ALDH8A1: variants seen among roughly 807,000 people sequenced by gnomAD.
The protein encoded by ALDH8A1 is 2-aminomuconic semialdehyde dehydrogenase.
A neutral mutation model predicts 43.3 loss-of-function variants in ALDH8A1; 39 were observed. The ratio of observed to expected loss-of-function variants is 0.90; its 90% confidence interval spans 0.70 to 1.18. The LOEUF is 1.18. ALDH8A1 is among the 50% of genes most tolerant of loss of function. ALDH8A1 has a pLI of 0.00. For synonymous variants in ALDH8A1, 233 were observed against 243.5 expected (o/e 0.96, Z 0.40); for missense variants, 605 against 622.6 (o/e 0.97, Z 0.30).
At chr6:134,931,334 G>A (rs888086709) in intron 5 of ALDH8A1, among the ~76,000 whole-genome samples, 1 of 152,046 alleles carries the variant, frequency 6.6e-6, no homozygotes, top group Non-Finnish European at 1.5e-5. Context: ...TGCTAACTCG[G>A]CACACTGCAA....
intron 6 of ALDH8A1, among the ~76,000 whole-genome samples, chr6:134,925,360 T>G (rs573389352): frequency 2.0e-5 from 3 of 152,216 alleles, no homozygotes; most frequent in Admixed American, 6.5e-5. Flanking sequence ...CAGGCTCGGA[T>G]GGTTTCAAGC....
intron 6 of ALDH8A1, among the ~76,000 whole-genome samples, chr6:134,926,488 A>C (rs975756212): frequency 1.6e-4 from 24 of 151,764 alleles, no homozygotes; most frequent in African/African-American, 5.8e-4. Context: ...GGCATAAGCC[A>C]CCGCACCTGG....
chr6:134,927,534 G>C (rs11963371), intron 6 of ALDH8A1, among the ~76,000 whole-genome samples: 7,483 of 152,042 alleles, frequency 0.049, 242 homozygotes, highest in South Asian at 0.07. Flanking sequence ...CACACACACA[G>C]AGAGAGATCA....
intron 5 of ALDH8A1, among the ~76,000 whole-genome samples, chr6:134,931,455 A>C (rs534649749): frequency 6.6e-6 from 1 of 151,018 alleles, no homozygotes; most frequent in Admixed American, 6.6e-5. Context: ...GTAGAGATGG[A>C]GTTTTGCCAT....
rs1583040737 is a variant in ALDH8A1, at chr6:134,949,917, T to A, written c.137A>T (p.Glu46Val). 1.9e-6 allele frequency: 3 copies of A among 1,592,472 alleles called. No individual in the cohort carries two copies. Among genetic ancestry groups the A allele is most frequent in the Non-Finnish European group, 8.6e-7 (1 of 1,168,844 alleles). Residue 46 changes from glutamate (E) to valine (V), a missense_variant and splice_region_variant, in exon 1 of 7, where the codon GAG becomes GTG. By Grantham distance (121) the Glu-to-Val change is moderately radical. Coordinates refer to ENST00000265605, the MANE Select transcript of ALDH8A1 (RefSeq NM_022568.4). ...TCTTCTTTAAGTGCATATACTCACCTCGTCTTTTCCACTATTTGGCACTCT... is the reference window on the plus strand; with the variant it reads ...TCTTCTTTAAGTGCATATACTCACCACGTCTTTTCCACTATTTGGCACTCT... Reference protein sequence around the residue: ...YCRVPNSGKDEIEAAVKAARE... With the variant: ...YCRVPNSGKDVIEAAVKAARE...
rs1165215569 is a variant in ALDH8A1 at position 134,918,199 on chromosome 6, TC to T, written c.*215del. The T allele has an allele frequency of 8.9e-6, 5 of 559,876 alleles. No homozygotes were observed. In the African/African-American group the frequency reaches 9.3e-5, roughly 10 times the overall value. 34.7% of individuals were successfully genotyped at this position (559,876 alleles called of 1,614,324 possible). ...GACAACTGGCATCATTGTTCTATCT[TC>T]CTACTTATAAGTCTTTTTTTCCGAG... On this transcript the variant is annotated 3_prime_UTR_variant, in exon 7 of 7. Coordinates refer to ENST00000265605, the MANE Select transcript of ALDH8A1 (RefSeq NM_022568.4).
intron 1 of ALDH8A1, among the ~76,000 whole-genome samples, chr6:134,947,859 A>G (rs1464542550): frequency 6.7e-6 from 1 of 148,584 alleles, no homozygotes; most frequent in Non-Finnish European, 1.5e-5. Flanking sequence ...AAAAAAAAAT[A>G]AAAATAGAAC....
At chr6:134,939,139 G>C in intron 4 of ALDH8A1, 127 bp downstream of exon 4, 1 of 1,417,760 alleles carries the variant, frequency 7.1e-7, no homozygotes, top group Non-Finnish European at 9.6e-7. Context: ...GGATTTCCCA[G>C]ACAAGGATCA....
chr6:134,924,527 C>T (rs73547171), intron 6 of ALDH8A1, among the ~76,000 whole-genome samples: 81 of 152,256 alleles, frequency 5.3e-4, no homozygotes, highest in African/African-American at 1.9e-3. Context: ...CTTTAAAAAC[C>T]CTCGTCTTCC....
chr6:134,935,428 G>C (rs1486249658), intron 4 of ALDH8A1, among the ~76,000 whole-genome samples: 1 of 152,206 alleles, frequency 6.6e-6, no homozygotes, highest in African/African-American at 2.4e-5. Context: ...AAATGAATGA[G>C]TGAATGAATG....
At chr6:134,937,564 G>A (rs755387521) in intron 4 of ALDH8A1, among the ~76,000 whole-genome samples, 74 of 152,202 alleles carry the variant, frequency 4.9e-4, no homozygotes, top group Non-Finnish European at 4.3e-4. Flanking sequence ...CCAGGTTCAG[G>A]GCAGACTGGC....
chr6:134,920,202 A>C (rs1056933698), intron 6 of ALDH8A1, among the ~76,000 whole-genome samples: 1 of 152,216 alleles, frequency 6.6e-6, no homozygotes, highest in Non-Finnish European at 1.5e-5. Context: ...ACCCAGCTCA[A>C]GACTTTTTTA....
At chr6:134,930,292 G>A (rs1423028523) in intron 5 of ALDH8A1, among the ~76,000 whole-genome samples, 1 of 152,154 alleles carries the variant, frequency 6.6e-6, no homozygotes, top group African/African-American at 2.4e-5. Flanking sequence ...ATTTGGACAC[G>A]CTGGGTTTCA....
At chr6:134,932,656 C>T (rs963587737) in intron 5 of ALDH8A1, 120 bp downstream of exon 5, 7 of 1,393,480 alleles carry the variant, frequency 5.0e-6, no homozygotes, top group Admixed American at 4.3e-5. Context: ...ATGTACTGAT[C>T]CTGCTTTCTC....
chr6:134,947,829 C>T (rs541942880), intron 1 of ALDH8A1, among the ~76,000 whole-genome samples: 19 of 142,762 alleles, frequency 1.3e-4, no homozygotes, highest in South Asian at 1.1e-3. Flanking sequence ...TTATGGAAAA[C>T]GCATGTAGGT....
At chr6:134,949,738 G>T (rs868418632) in intron 1 of ALDH8A1, among the ~76,000 whole-genome samples, 178 bp downstream of exon 1, 1 of 152,120 alleles carries the variant, frequency 6.6e-6, no homozygotes, top group Non-Finnish European at 1.5e-5. Context: ...GAAGAGATTT[G>T]TTCTAGGTAT....
intron 3 of ALDH8A1, among the ~76,000 whole-genome samples, chr6:134,940,872 TAGG>T (rs1488217741): frequency 6.6e-6 from 1 of 152,202 alleles, no homozygotes; most frequent in Admixed American, 6.5e-5. Flanking sequence ...GCACACTTCC[TAGG>T]AGGAGGTAGA....
chr6:134,925,792 G>T (rs1218329214), intron 6 of ALDH8A1, among the ~76,000 whole-genome samples: 1 of 152,168 alleles, frequency 6.6e-6, no homozygotes, highest in Admixed American at 6.5e-5. Flanking sequence ...GTTTTAAAAG[G>T]TACCACTGTA....
At chr6:134,924,808 C>T (rs1776858523) in intron 6 of ALDH8A1, among the ~76,000 whole-genome samples, 2 of 152,178 alleles carry the variant, frequency 1.3e-5, no homozygotes, top group Non-Finnish European at 2.9e-5. Flanking sequence ...AATATTCTGA[C>T]ACCTAAACTC....
Sources: allele counts gnomAD v4.1 joint callset (sites outside exome capture counted in the v4.1 genomes callset), GRCh38; gene constraint gnomAD v4.1.1; transcripts MANE v1.5; gene names NCBI Gene and HGNC (gene_info 2026-07-23, HGNC 2026-07-21).